TMEM67: variants seen among roughly 807,000 people sequenced by gnomAD.
The protein encoded by TMEM67 is transmembrane protein 67.
In TMEM67, 124 loss-of-function variants were observed where a neutral mutation model predicts 136.6. The observed-to-expected ratio is 0.91, with a 90% CI of 0.78 to 1.05. TMEM67 has a LOEUF of 1.05. Among genes scored for constraint, TMEM67 ranks in the 50% least tolerant of loss-of-function variants. The pLI is 0.00. For missense variants in TMEM67, 1,107 were observed against 1,178.4 expected, an observed-to-expected ratio of 0.94 and a Z score of 0.89; for synonymous variants, 364 against 390.5, an observed-to-expected ratio of 0.93 and a Z score of 0.80.
Position 93,755,057 on chromosome 8 carries a change from A to T in TMEM67, c.143A>T (p.Lys48Met), listed in dbSNP as rs754102562. 3.1e-6 allele frequency: 5 copies of T among 1,614,196 alleles called. No individual in the cohort carries two copies. The South Asian group carries it at 5.5e-5, about 18-fold the overall frequency. ...TFSFPFQQPE[K>M]CDNNQYFDIS... is the part of the protein sequence containing the mutation. ...TCTTTCCCTTTCCAGCAGCCGGAGAAGTGCGACAACAACCAGTACTTTGAT... is the reference window on the plus strand; with the variant it reads ...TCTTTCCCTTTCCAGCAGCCGGAGATGTGCGACAACAACCAGTACTTTGAT... Residue 48 changes from lysine to methionine, a missense_variant, in exon 1 of 28, where the codon AAG (lysine) becomes ATG (methionine). Lys to Met is a moderately conservative substitution (Grantham distance 95). This residue lies in a region of TMEM67 where 178 missense variants were observed against 159.2 expected (regional missense o/e 1.12). Transcript: ENST00000453321.
At chr8:93,783,733 A>C (rs77242714) in intron 11 of TMEM67, among the ~76,000 whole-genome samples, 1 of 152,230 alleles carries the variant, frequency 6.6e-6, no homozygotes, top group Admixed American at 6.5e-5. Flanking sequence ...TCATGGTGGA[A>C]GGGAAGCAAA....
At chr8:93,826,913 T>G in the TMEM67 span, among the ~76,000 whole-genome samples, 3 of 152,200 alleles carry the variant, frequency 2.0e-5, no homozygotes, top group Non-Finnish European at 1.5e-5. Context: ...CACCGCAACC[T>G]CTGCCTCCCA....
rs747340881 is a variant in TMEM67 at position 93,764,052 on chromosome 8, A to G, written c.506+111A>G. On this transcript the variant is annotated intron_variant, in intron 4 of 27. Coordinates refer to ENST00000453321, the MANE Select transcript of TMEM67 (RefSeq NM_153704.6). The stretch of plus-strand genomic sequence containing the variant: ...ATCACTTAGTTTTCACAATAACCCA[A>G]GGAAGGATAGAAGTAGACATTAACA... The G allele has an allele frequency of 6.5e-6, 5 of 771,722 alleles. No individual in the cohort carries two copies. In the African/African-American group the frequency reaches 8.7e-5, roughly 13 times the overall value. 47.8% of individuals were successfully genotyped at this position (771,722 alleles called of 1,614,324 possible).
chr8:93,758,731 G>A lies in TMEM67; in HGVS notation c.406+155G>A, dbSNP rs2130546022. 3 of 659,766 alleles carry A rather than the reference G, an allele frequency of 4.5e-6. No homozygotes were observed. In the South Asian group the frequency reaches 5.3e-5, roughly 12 times the overall value. The allele number at this position is 659,766 out of a possible 1,614,324, so 40.9% of individuals were successfully genotyped here. A position where few individuals can be genotyped will look rare whatever the true frequency, so the allele number is the denominator to read the frequency against. On this transcript the variant is annotated intron_variant, in intron 3 of 27. Coordinates refer to ENST00000453321, the MANE Select transcript of TMEM67 (RefSeq NM_153704.6). ...TCCTGCCTCAGCTTCCTGAGTAGCT[G>A]GGACTGCACACATAACACCACTGCA...
intron 7 of TMEM67, among the ~76,000 whole-genome samples, chr8:93,777,270 C>T (rs945437952): frequency 1.3e-5 from 2 of 152,068 alleles, no homozygotes; most frequent in Admixed American, 1.3e-4. Flanking sequence ...CGCTAGCGGT[C>T]TATCAATTTT....
intron 21 of TMEM67, among the ~76,000 whole-genome samples, chr8:93,800,572 G>A (rs183566589): frequency 2.8e-4 from 42 of 152,104 alleles, no homozygotes; most frequent in South Asian, 1.0e-3. Flanking sequence ...AATAGCCCTC[G>A]GAGATAAGCT....
At chr8:93,779,152 C>T (rs1305668149) in intron 7 of TMEM67, among the ~76,000 whole-genome samples, 1 of 152,242 alleles carries the variant, frequency 6.6e-6, no homozygotes, top group Non-Finnish European at 1.5e-5. Context: ...AAATCGGCTA[C>T]TGAAGCTTGT....
downstream of TMEM67, among the ~76,000 whole-genome samples, chr8:93,819,912 T>C (rs918912203): frequency 1.3e-5 from 2 of 152,148 alleles, no homozygotes; most frequent in Non-Finnish European, 2.9e-5. Flanking sequence ...GGTGGGAGCA[T>C]ACCTTTGATA....
intron 26 of TMEM67, among the ~76,000 whole-genome samples, chr8:93,811,607 T>A (rs956399509): frequency 6.6e-6 from 1 of 152,168 alleles, no homozygotes; most frequent in African/African-American, 2.4e-5. Context: ...AAGAAAATAT[T>A]AAAATGTCTA....
rs565123145 is a variant in TMEM67, at chr8:93,772,664, T to G, written c.714+13T>G. ...AGCTGCATGTTGGGTAAGTTTGAATTTTTTAAATAAATTTCATTTTATTTT... is the reference window on the plus strand; with the variant it reads ...AGCTGCATGTTGGGTAAGTTTGAATGTTTTAAATAAATTTCATTTTATTTT... On this transcript the variant is annotated intron_variant, in intron 7 of 27. Transcript: ENST00000453321. 1.2e-6 allele frequency: 2 copies of G among 1,601,810 alleles called. No individual in the cohort carries two copies. Among genetic ancestry groups the G allele is most frequent in the Non-Finnish European group, 1.7e-6 (2 of 1,170,578 alleles).
intron 13 of TMEM67, among the ~76,000 whole-genome samples, chr8:93,786,601 G>A (rs1814119034): frequency 6.6e-6 from 1 of 152,214 alleles, no homozygotes; most frequent in Non-Finnish European, 1.5e-5. Context: ...AGAATGGGTT[G>A]CGAATAGCTA....
intron 26 of TMEM67, among the ~76,000 whole-genome samples, chr8:93,812,538 G>C (rs1808742165): frequency 6.6e-6 from 1 of 152,138 alleles, no homozygotes. Context: ...TTCTGGTCTT[G>C]GATTCAAAAC....
chr8:93,777,647 A>T (rs1164298428), intron 7 of TMEM67, among the ~76,000 whole-genome samples: 2 of 152,096 alleles, frequency 1.3e-5, no homozygotes, highest in Non-Finnish European at 2.9e-5. Context: ...TTCAGTTTCC[A>T]TGTCGTTGTG....
chr8:93,797,371 A>G lies in TMEM67; in HGVS notation c.2001A>G (p.Ile667Met), dbSNP rs1411984897. ...GVRSATVPVS[I>M]WRTYFVANEW... ...GAAGTGCCACTGTTCCTGTAAGCAT[A>G]TGGAGAACATATTTTGTAGCAAATG... Residue 667 changes from isoleucine to methionine, a missense_variant, in exon 20 of 28, where the codon ATA becomes ATG. This residue lies in a region of TMEM67 where 925 missense variants were observed against 1,002.4 expected (regional missense o/e 0.92). Transcript: ENST00000453321. The G allele has an allele frequency of 5.6e-6, 9 of 1,614,150 alleles. No individual in the cohort carries two copies. The highest frequency in any genetic ancestry group is 7.6e-6 in the Non-Finnish European group (9 of 1,179,986).
At chr8:93,791,350 ACAGTG>A in intron 15 of TMEM67, 31 bp downstream of exon 15, 1 of 1,405,812 alleles carries the variant, frequency 7.1e-7, no homozygotes, top group Non-Finnish European at 1.0e-6. Flanking sequence ...TAAAATATAT[ACAGTG>A]TATTTTATAA....
At chr8:93,801,361 A>AT (rs1234513194) in intron 21 of TMEM67, among the ~76,000 whole-genome samples, 12 of 151,096 alleles carry the variant, frequency 7.9e-5, no homozygotes, top group African/African-American at 2.9e-4. Flanking sequence ...CAGCCTCCTG[A>AT]TTAGCTGGGA....
chr8:93,772,474 T>C (rs1454214640), intron 6 of TMEM67, 115 bp from the exon 7 acceptor site: 6 of 767,302 alleles, frequency 7.8e-6, no homozygotes, highest in Non-Finnish European at 1.4e-5. Context: ...TGTATTCCTA[T>C]TAGTAACTGT....
chr8:93,785,711 T>G (rs1814065487), intron 12 of TMEM67: 1 of 226,144 alleles, frequency 4.4e-6, no homozygotes, highest in African/African-American at 2.3e-5. Context: ...GTTATTCATG[T>G]TATAAAATTC....
At chr8:93,802,899 A>G (rs1373224977) in intron 21 of TMEM67, among the ~76,000 whole-genome samples, 4 of 152,218 alleles carry the variant, frequency 2.6e-5, no homozygotes, top group Admixed American at 6.5e-5. Context: ...ACAGGAACAA[A>G]TGACAGATTG....
Sources: allele counts gnomAD v4.1 joint callset (sites outside exome capture counted in the v4.1 genomes callset), GRCh38; gene constraint gnomAD v4.1.1; regional missense constraint gnomAD v4.1.1; transcripts MANE v1.5; gene names NCBI Gene and HGNC (gene_info 2026-07-23, HGNC 2026-07-21).